The following PTGIS variants were observed in gnomAD, a reference collection of about 807,000 sequenced individuals.
PTGIS encodes the protein prostaglandin I2 synthase.
In PTGIS, 45 loss-of-function variants were observed where a neutral mutation model predicts 50.3. The ratio of observed to expected loss-of-function variants is 0.90; its 90% CI spans 0.70 to 1.15. PTGIS has a LOEUF of 1.15. Among genes scored for constraint, PTGIS ranks in the 50% most tolerant of loss-of-function variants. The pLI is 0.00. For missense variants in PTGIS, 668 were observed against 661.3 expected (o/e 1.01, Z -0.11); for synonymous variants, 260 against 267.7 (o/e 0.97, Z 0.28).
intron 1 of PTGIS, among the ~76,000 whole-genome samples, chr20:49,559,808 G>A (rs566395218): frequency 1.0e-3 from 159 of 152,260 alleles, no homozygotes; most frequent in African/African-American, 3.3e-3. Context: ...GGGGGAAATG[G>A]GGAGTGACTG....
rs1050686763 is a variant in PTGIS at position 49,513,134 on chromosome 20, G to A, written c.1152C>T (p.Leu384=). 5 of 1,614,038 alleles carry A rather than the reference G, an allele frequency of 3.1e-6. No individual in the cohort carries two copies. The African/African-American group carries it at 4.0e-5, about 13-fold the overall frequency. ...EFNLRRGDRL[L]LFPFLSPQRD... is the part of the protein sequence containing the mutation. Reference sequence around the variant, plus strand: ...TCTGGGGGCTCAGGAAGGGGAAGAGGAGGAGGCGGTCACCACGTCGCAGGT... The same window carrying A: ...TCTGGGGGCTCAGGAAGGGGAAGAGAAGGAGGCGGTCACCACGTCGCAGGT... Residue 384 remains leucine, a synonymous_variant, in exon 8 of 10, where the codon CTC becomes CTT. Transcript: ENST00000244043.
At chr20:49,549,104 G>T (rs1321866193) in intron 2 of PTGIS, among the ~76,000 whole-genome samples, 2 of 152,268 alleles carry the variant, frequency 1.3e-5, no homozygotes, top group East Asian at 3.9e-4. Flanking sequence ...GTGTTGGGTG[G>T]ATAGTGGCAG....
intron 5 of PTGIS, among the ~76,000 whole-genome samples, chr20:49,537,842 T>C (rs992213683): frequency 1.3e-5 from 2 of 152,102 alleles, no homozygotes; most frequent in African/African-American, 4.8e-5. Context: ...ACAAGAATGT[T>C]CACAACAACC....
At chr20:49,566,267 A>G (rs538950731) in intron 1 of PTGIS, among the ~76,000 whole-genome samples, 1 of 152,330 alleles carries the variant, frequency 6.6e-6, no homozygotes, top group African/African-American at 2.4e-5. Flanking sequence ...CCCATAACGT[A>G]TTCACATGAT....
rs191093308 is a variant in PTGIS, at chr20:49,558,194, G to C, written c.75-8005C>G. 3.8e-3 allele frequency among the ~76,000 whole-genome samples: 579 copies of C among 152,308 alleles called. 2 individuals are homozygous for C. The highest frequency in any genetic ancestry group is 6.5e-3 in the Non-Finnish European group (444 of 68,032). On this transcript the variant is annotated intron_variant, in intron 1 of 9. Coordinates refer to ENST00000244043, the MANE Select transcript of PTGIS (RefSeq NM_000961.4). Reference sequence around the variant, plus strand: ...TCTTGATCCTAGGAGTTCAAGACCAGCCTGGGCAACATGGTGAGACCCTGT... The same window carrying C: ...TCTTGATCCTAGGAGTTCAAGACCACCCTGGGCAACATGGTGAGACCCTGT...
intron 5 of PTGIS, among the ~76,000 whole-genome samples, chr20:49,524,884 T>C (rs1313751071): frequency 1.3e-5 from 2 of 152,188 alleles, no homozygotes; most frequent in Non-Finnish European, 2.9e-5. Flanking sequence ...TTATGGGAGC[T>C]ACAGTTCAAG....
Position 49,514,269 on chromosome 20 carries a change from T to C in PTGIS, c.982A>G (p.Thr328Ala). The change falls in exon 7 of 10, where the codon ACC becomes GCC. Residue 328 changes from threonine to alanine, a missense_variant. Coordinates refer to ENST00000244043, the MANE Select transcript of PTGIS (RefSeq NM_000961.4). ...WQAEQPVSQTTTLPQKVLDST... is the reference protein window; with the variant it reads ...WQAEQPVSQTATLPQKVLDST... ...TCTAGAACCTTCTGTGGGAGAGTGG[T>C]CGTCTGCGAGACAGGCTGCTCCGCT... is the stretch of plus-strand genomic sequence containing the variant. 1 of 1,614,014 alleles carries C rather than the reference T, an allele frequency of 6.2e-7. No homozygotes were observed. The highest frequency in any genetic ancestry group is 8.5e-7 in the Non-Finnish European group (1 of 1,180,004).
intron 6 of PTGIS, among the ~76,000 whole-genome samples, chr20:49,516,182 A>T (rs1476888715): frequency 1.3e-5 from 2 of 152,076 alleles, no homozygotes; most frequent in East Asian, 3.9e-4. Flanking sequence ...AGAAACGGGT[A>T]ACTGAGGTTA....
intron 1 of PTGIS, among the ~76,000 whole-genome samples, chr20:49,556,274 A>G (rs1020691812): frequency 3.3e-5 from 5 of 152,184 alleles, no homozygotes; most frequent in African/African-American, 4.8e-5. Flanking sequence ...AATTGGAGAC[A>G]CTGGTTATTT....
At chr20:49,556,217 A>C (rs978633387) in intron 1 of PTGIS, among the ~76,000 whole-genome samples, 1 of 152,122 alleles carries the variant, frequency 6.6e-6, no homozygotes, top group African/African-American at 2.4e-5. Context: ...AATTTATGGC[A>C]ATGTAGTTAT....
At chr20:49,511,754 C>T (rs1981326073) in intron 8 of PTGIS, among the ~76,000 whole-genome samples, 1 of 152,120 alleles carries the variant, frequency 6.6e-6, no homozygotes, top group Non-Finnish European at 1.5e-5. Flanking sequence ...GAGTAGCTGC[C>T]GACTGAAAGA....
chr20:49,562,215 G>A (rs1982794159), intron 1 of PTGIS, among the ~76,000 whole-genome samples: 1 of 152,160 alleles, frequency 6.6e-6, no homozygotes, highest in Non-Finnish European at 1.5e-5. Context: ...CCATTTTGCA[G>A]AGATATTCCA....
chr20:49,507,842 A>C lies in PTGIS; in HGVS notation c.*78T>G, dbSNP rs1483297649. ...GCACCTGCACCCGGGCCAACTGTGC[A>C]CACAGAAAGCTGGGAGGCTGGGGCA... On this transcript the variant is annotated 3_prime_UTR_variant, in exon 10 of 10. Coordinates refer to ENST00000244043, the MANE Select transcript of PTGIS (RefSeq NM_000961.4). 1.3e-6 allele frequency: 2 copies of C among 1,590,518 alleles called. No homozygotes were observed. The highest frequency in any genetic ancestry group is 1.7e-6 in the Non-Finnish European group (2 of 1,172,726).
chr20:49,522,445 C>T (rs930202396), intron 6 of PTGIS, among the ~76,000 whole-genome samples: 15 of 152,100 alleles, frequency 9.9e-5, no homozygotes, highest in Admixed American at 2.0e-4. Context: ...CCTGACCCCC[C>T]AAATGGTAAT....
intron 1 of PTGIS, among the ~76,000 whole-genome samples, chr20:49,555,366 T>C (rs770206410): frequency 1.3e-5 from 2 of 152,236 alleles, no homozygotes; most frequent in Admixed American, 6.5e-5. Flanking sequence ...TAACCTGTGA[T>C]TCTATTTTGT....
intron 5 of PTGIS, among the ~76,000 whole-genome samples, chr20:49,529,643 T>TG (rs759263153): frequency 6.6e-5 from 10 of 152,166 alleles, no homozygotes; most frequent in Non-Finnish European, 1.5e-4. Context: ...CCATCTTGCC[T>TG]GGGGGGTGAA....
At chr20:49,545,000 G>A (rs1982321502) in intron 3 of PTGIS, among the ~76,000 whole-genome samples, 1 of 152,208 alleles carries the variant, frequency 6.6e-6, no homozygotes, top group African/African-American at 2.4e-5. Context: ...GGCCAGGCAT[G>A]GTGGCTCCCA....
At chr20:49,565,841 T>A (rs1359634083) in intron 1 of PTGIS, among the ~76,000 whole-genome samples, 2 of 152,004 alleles carry the variant, frequency 1.3e-5, no homozygotes, top group East Asian at 3.8e-4. Context: ...GTCCCCAGGG[T>A]CCATGCACCT....
chr20:49,511,092 T>C lies in PTGIS; in HGVS notation c.1294A>G (p.Met432Val), dbSNP rs971819469. Residue 432 changes from methionine to valine, a missense_variant, in exon 9 of 10, where the codon ATG becomes GTG. By Grantham distance (21) the Met-to-Val change is conservative (BLOSUM62 1). Transcript: ENST00000244043. Reference sequence around the variant, plus strand: ...TGATTGTGCCCCGCCCCCCAGGGCATGTTGTAATTCTTCAGCCGTTTCCCA... The same window carrying C: ...TGATTGTGCCCCGCCCCCCAGGGCACGTTGTAATTCTTCAGCCGTTTCCCA... ...KDGKRLKNYN[M>V]PWGAGHNHCL... 9 of 1,614,188 alleles carry C rather than the reference T, an allele frequency of 5.6e-6. No homozygotes were observed. Among genetic ancestry groups the C allele is most frequent in the Non-Finnish European group, 7.6e-6 (9 of 1,180,020 alleles).
Sources: gnomAD v4.1 joint callset for allele counts (sites outside exome capture counted in the v4.1 genomes callset) on GRCh38, gnomAD v4.1.1 for gene constraint, MANE v1.5 for transcripts, NCBI Gene and HGNC (gene_info 2026-07-23, HGNC 2026-07-21) for gene names.